The following CTSS variants were observed in gnomAD, a reference collection of about 807,000 sequenced individuals.
The protein encoded by CTSS is cathepsin S.
In CTSS, 15 loss-of-function variants were observed where a neutral mutation model predicts 39.9. The ratio of observed to expected loss-of-function variants is 0.38; its 90% CI spans 0.25 to 0.58. The LOEUF (loss-of-function observed/expected upper bound fraction) is 0.58. CTSS is among the 20% of genes least tolerant of loss of function. The pLI, the probability that CTSS is intolerant of heterozygous loss-of-function variation, is 0.70. For missense variants in CTSS, 250 were observed against 398.2 expected (o/e 0.63, Z 3.17); for synonymous variants, 126 against 138.2 (o/e 0.91, Z 0.62).
intron 7 of CTSS, among the ~76,000 whole-genome samples, chr1:150,739,328 A>T (rs181047033): frequency 1.2e-3 from 182 of 152,354 alleles, no homozygotes; most frequent in Non-Finnish European, 1.9e-3. Flanking sequence ...TGAAAGCTAG[A>T]CTTCTTGAAC....
chr1:150,744,556 TG>T (rs1652849807), intron 7 of CTSS, among the ~76,000 whole-genome samples: 1 of 119,474 alleles, frequency 8.4e-6, no homozygotes, highest in Non-Finnish European at 1.6e-5. Context: ...ATATTATATA[TG>T]TATATTATGT....
chr1:150,764,893 A>G (rs1258014335), intron 1 of CTSS, 129 bp from the exon 2 acceptor site: 4 of 1,090,750 alleles, frequency 3.7e-6, no homozygotes, highest in Non-Finnish European at 5.2e-6. Flanking sequence ...AGAATTATAC[A>G]GGAAAATTCC....
At chr1:150,750,290 G>A in intron 5 of CTSS, 119 bp from the exon 6 acceptor site, 1 of 699,236 alleles carries the variant, frequency 1.4e-6, no homozygotes, top group Non-Finnish European at 2.2e-6. Flanking sequence ...ATGTGTCTAA[G>A]GCTCCTTCCT....
rs1652558267 is a variant in CTSS, at chr1:150,733,093, C to T, written c.949G>A (p.Gly317Arg). ...AAGCTAGCAATCCCACAATGATTTC[C>T]TTTATTTCTTGCCATCCGAATATAT... ...EGYIRMARNK[G>R]NHCGIASFPS... is the part of the protein sequence containing the mutation. Residue 317 changes from glycine (G) to arginine (R), a missense_variant, in exon 8 of 8, where the codon GGA becomes AGA. By Grantham distance (125) the Gly-to-Arg change is moderately radical. Transcript: ENST00000368985. 1 of 1,613,806 alleles carries T rather than the reference C, an allele frequency of 6.2e-7. No homozygotes were observed. The highest frequency in any genetic ancestry group is 1.7e-4 in the Middle Eastern group (1 of 6,058).
chr1:150,747,763 T>C lies in CTSS; in HGVS notation c.896+14A>G. ...TTCCTGATTCCAATTAAATATAAAG[T>C]GTAAATATATTACCTGTTTTTCACA... On this transcript the variant is annotated intron_variant, in intron 7 of 7. Transcript: ENST00000368985. 6.5e-7 allele frequency: 1 copy of C among 1,533,486 alleles called. No individual in the cohort carries two copies. The highest frequency in any genetic ancestry group is 1.1e-5 in the South Asian group (1 of 88,740). 95.0% of individuals were successfully genotyped at this position (1,533,486 alleles called of 1,614,324 possible).
intron 7 of CTSS, 99 bp downstream of exon 7, chr1:150,747,678 T>C: frequency 1.3e-6 from 1 of 785,552 alleles, no homozygotes. Flanking sequence ...TCATTGTCAA[T>C]ATCGTGATCA....
Position 150,732,058 on chromosome 1 carries a change from C to A in CTSS, c.*988G>T, listed in dbSNP as rs1652536250. On this transcript the variant is annotated 3_prime_UTR_variant, in exon 8 of 8. Transcript: ENST00000368985. The stretch of plus-strand genomic sequence containing the variant: ...GCATAGCAGGGACCACAGGCACACA[C>A]CACCACTCCTGGATAGTTTCTTTTT... 1.3e-5 allele frequency: 2 copies of A among 152,140 alleles called. No homozygotes were observed. The highest frequency in any genetic ancestry group is 1.3e-4 in the Admixed American group (2 of 15,246). 9.4% of individuals were successfully genotyped at this position (152,140 alleles called of 1,614,324 possible).
rs1652511416 is a variant in CTSS at position 150,731,085 on chromosome 1, T to G, written c.*1961A>C. 1 of 152,142 alleles carries G rather than the reference T, an allele frequency of 6.6e-6. No individual in the cohort carries two copies. Among genetic ancestry groups the G allele is most frequent in the South Asian group, 2.1e-4 (1 of 4,824 alleles). 9.4% of individuals were successfully genotyped at this position (152,142 alleles called of 1,614,324 possible). On this transcript the variant is annotated 3_prime_UTR_variant, in exon 8 of 8. Transcript: ENST00000368985. ...GAAAAGTTGTGGATAAAACAAAAAT[T>G]ATGTTAAAAACTGAAAAGTAGGCTG...
At chr1:150,740,312 T>A (rs587637540) in intron 7 of CTSS, among the ~76,000 whole-genome samples, 2 of 152,328 alleles carry the variant, frequency 1.3e-5, no homozygotes, top group South Asian at 4.2e-4. Flanking sequence ...GAGATAGTAT[T>A]TGAGGCAGGA....
At chr1:150,752,049 T>C in intron 4 of CTSS, 41 bp from the exon 5 acceptor site, 1 of 1,603,456 alleles carries the variant, frequency 6.2e-7, no homozygotes, top group Non-Finnish European at 8.5e-7. Flanking sequence ...TCACAGAAAA[T>C]CATTCGGAAT....
At position 150,747,845 on chromosome 1, in the gene CTSS, C is replaced by T. The variant is rs754699303; in HGVS notation, c.828G>A (p.Val276=). ...AGCCAACCACAAGTACACCATGATT[C>T]ACATTCTGAGTACAGGATGGTTCAT... ...VYYEPSCTQN[V]NHGVLVVGYG... The change falls in exon 7 of 8, where the codon GTG becomes GTA. Residue 276 remains valine, a synonymous_variant. Transcript: ENST00000368985. The T allele has an allele frequency of 1.9e-6, 3 of 1,613,810 alleles. No individual in the cohort carries two copies. The highest frequency in any genetic ancestry group is 2.2e-5 in the South Asian group (2 of 91,072).
rs1433480182 is a variant in CTSS at position 150,731,672 on chromosome 1, T to C, written c.*1374A>G. The C allele has an allele frequency of 6.6e-6, 1 of 152,168 alleles. No individual in the cohort carries two copies. Among genetic ancestry groups the C allele is most frequent in the South Asian group, 2.1e-4 (1 of 4,830 alleles). 9.4% of individuals were successfully genotyped at this position (152,168 alleles called of 1,614,324 possible). ...GCCTGCTTAGATGCATCTACTAATC[T>C]AGAGCAGTTGTAAGGAAGATCCATC... is the stretch of plus-strand genomic sequence containing the variant. On this transcript the variant is annotated 3_prime_UTR_variant, in exon 8 of 8. Coordinates refer to ENST00000368985, the MANE Select transcript of CTSS (RefSeq NM_004079.5).
Position 150,750,186 on chromosome 1 carries a change from A to T in CTSS, c.628-15T>A, listed in dbSNP as rs375763218. 3.8e-6 allele frequency: 6 copies of T among 1,595,334 alleles called. No homozygotes were observed. Among genetic ancestry groups the T allele is most frequent in the Non-Finnish European group, 5.1e-6 (6 of 1,165,652 alleles). ...CATTTCTGATCCTGCAAAAAGAAGT[A>T]TAAATATGATGAAGTATACTTCAAC... On this transcript the variant is annotated splice_polypyrimidine_tract_variant and intron_variant, in intron 5 of 7. Coordinates refer to ENST00000368985, the MANE Select transcript of CTSS (RefSeq NM_004079.5).
chr1:150,751,675 C>T, intron 5 of CTSS, 106 bp downstream of exon 5: 1 of 943,318 alleles, frequency 1.1e-6, no homozygotes, highest in Non-Finnish European at 1.7e-6. Context: ...CTCTCTCACA[C>T]ACAATACTGC....
intron 2 of CTSS, among the ~76,000 whole-genome samples, chr1:150,762,201 T>G (rs933094605): frequency 2.0e-5 from 3 of 152,184 alleles, no homozygotes; most frequent in African/African-American, 7.2e-5. Context: ...TAATAAATAG[T>G]ATTGGGAAAA....
intron 7 of CTSS, among the ~76,000 whole-genome samples, chr1:150,744,918 A>T (rs1652862632): frequency 6.6e-6 from 1 of 151,934 alleles, no homozygotes; most frequent in African/African-American, 2.4e-5. Context: ...GAGCAACTTC[A>T]GTAGAGAAGG....
intron 2 of CTSS, among the ~76,000 whole-genome samples, chr1:150,760,157 TG>T (rs1653223078): frequency 6.6e-6 from 1 of 152,174 alleles, no homozygotes; most frequent in African/African-American, 2.4e-5. Flanking sequence ...AACCAGATAG[TG>T]GTGCTAATTG....
At chr1:150,735,920 CT>C (rs1652626814) in intron 7 of CTSS, among the ~76,000 whole-genome samples, 1 of 151,994 alleles carries the variant, frequency 6.6e-6, no homozygotes, top group South Asian at 2.1e-4. Flanking sequence ...CCACGCCTGG[CT>C]AATTTTTTTG....
At chr1:150,759,459 G>A (rs892032576) in intron 2 of CTSS, among the ~76,000 whole-genome samples, 4 of 151,926 alleles carry the variant, frequency 2.6e-5, no homozygotes, top group Non-Finnish European at 5.9e-5. Context: ...TGCATTCTGG[G>A]TGAATTCCTC....
Sources: gnomAD v4.1 joint callset for allele counts (sites outside exome capture counted in the v4.1 genomes callset) on GRCh38, gnomAD v4.1.1 for gene constraint, MANE v1.5 for transcripts, NCBI Gene and HGNC (gene_info 2026-07-23, HGNC 2026-07-21) for gene names.